The following NFIB variants were observed in gnomAD, a reference collection of about 807,000 sequenced individuals.
The protein encoded by NFIB is nuclear factor I B.
Under a neutral mutation model 61.5 loss-of-function variants are expected in NFIB, and 11 were observed. The ratio of observed to expected loss-of-function variants is 0.18; its 90% CI spans 0.11 to 0.30. NFIB has a LOEUF of 0.30. Among genes scored for constraint, NFIB ranks in the 10% least tolerant of loss-of-function variants. The pLI, the probability that NFIB is intolerant of heterozygous loss-of-function variation, is 1.00. For missense variants in NFIB, 471 were observed against 608.9 expected, an observed-to-expected ratio of 0.77 and a Z score of 2.38; for synonymous variants, 260 against 216.5, an observed-to-expected ratio of 1.20 and a Z score of -1.76.
chr9:14,523,753 C>T, the NFIB span, among the ~76,000 whole-genome samples: 1 of 152,220 alleles, frequency 6.6e-6, no homozygotes, highest in East Asian at 1.9e-4. Context: ...AAAAGAATTG[C>T]GACAGTTAGA....
chr9:14,466,577 A>G, the NFIB span, among the ~76,000 whole-genome samples: 4 of 152,162 alleles, frequency 2.6e-5, no homozygotes, highest in African/African-American at 9.6e-5. Context: ...GGAAGCTAGG[A>G]GCTCCCGTCT....
At chr9:14,298,371 G>A (rs2059562686) in intron 2 of NFIB, among the ~76,000 whole-genome samples, 2 of 152,056 alleles carry the variant, frequency 1.3e-5, no homozygotes, top group African/African-American at 4.8e-5. Context: ...TGAAAATGCT[G>A]AAAAGTAATT....
chr9:14,323,826 A>G (rs2060718078), intron 1 of NFIB, among the ~76,000 whole-genome samples: 2 of 152,260 alleles, frequency 1.3e-5, no homozygotes, highest in African/African-American at 4.8e-5. Flanking sequence ...TTACCAAAAA[A>G]AAGTTTTTTC....
chr9:14,375,432 T>C lies in NFIB; in HGVS notation c.108+23092A>G, dbSNP rs907890381. 4.6e-5 allele frequency among the ~76,000 whole-genome samples: 7 copies of C among 152,074 alleles called. No homozygotes were observed. The South Asian group carries it at 6.2e-4, about 14-fold the overall frequency. On this transcript the variant is annotated intron_variant, in intron 1 of 8. Coordinates refer to the NFIB transcript ENST00000380934. ...CAGCACTTTGGGAGGCCAAGGTGGG[T>C]GGATCACAAGGTCAGCAGTTCGAGA...
intron 9 of NFIB, among the ~76,000 whole-genome samples, chr9:14,114,994 C>T (rs541525979): frequency 4.6e-5 from 7 of 152,190 alleles, no homozygotes; most frequent in Admixed American, 3.9e-4. Flanking sequence ...CTGAGTAGGT[C>T]GCATCCATCT....
At chr9:14,517,354 C>G in the NFIB span, among the ~76,000 whole-genome samples, 1 of 152,208 alleles carries the variant, frequency 6.6e-6, no homozygotes, top group East Asian at 1.9e-4. Context: ...TACCTGCTTT[C>G]TGTACCCTTT....
chr9:14,416,687 C>A, the NFIB span, among the ~76,000 whole-genome samples: 1 of 151,832 alleles, frequency 6.6e-6, no homozygotes, highest in South Asian at 2.1e-4. Context: ...TAAGCTAAGA[C>A]TAATTTATTA....
chr9:14,144,460 G>A (rs1281185060), intron 6 of NFIB, among the ~76,000 whole-genome samples: 3 of 152,064 alleles, frequency 2.0e-5, no homozygotes, highest in African/African-American at 4.8e-5. Context: ...TTTGTTTTTC[G>A]TTTCACTTCT....
chr9:14,175,527 G>A (rs927953504), intron 3 of NFIB, among the ~76,000 whole-genome samples: 26 of 152,120 alleles, frequency 1.7e-4, no homozygotes, highest in African/African-American at 6.0e-4. Context: ...ATCATTAATA[G>A]ATAATCCTTC....
chr9:14,486,917 G>C, the NFIB span, among the ~76,000 whole-genome samples: 1 of 152,076 alleles, frequency 6.6e-6, no homozygotes, highest in African/African-American at 2.4e-5. Flanking sequence ...TTTAGAAATG[G>C]ACTTACATAG....
chr9:14,462,094 A>G, the NFIB span, among the ~76,000 whole-genome samples: 1 of 152,214 alleles, frequency 6.6e-6, no homozygotes. Context: ...ATTCCAGCTC[A>G]TAAGGTATCC....
At chr9:14,213,899 T>C (rs1023064201) in intron 2 of NFIB, among the ~76,000 whole-genome samples, 5 of 152,158 alleles carry the variant, frequency 3.3e-5, no homozygotes, top group Admixed American at 2.0e-4. Flanking sequence ...GTTCTCAACA[T>C]TCCAGAAGTG....
At chr9:14,438,495 C>T in the NFIB span, among the ~76,000 whole-genome samples, 1 of 152,134 alleles carries the variant, frequency 6.6e-6, no homozygotes, top group African/African-American at 2.4e-5. Context: ...GAGTGATTTT[C>T]CCCCTTGCTT....
At chr9:14,189,998 G>C (rs2047773303) in intron 2 of NFIB, among the ~76,000 whole-genome samples, 1 of 151,994 alleles carries the variant, frequency 6.6e-6, no homozygotes. Flanking sequence ...TGACCAAAAA[G>C]TCATATTCTT....
At chr9:14,341,023 A>G (rs997358340) in intron 1 of NFIB, among the ~76,000 whole-genome samples, 2 of 152,192 alleles carry the variant, frequency 1.3e-5, no homozygotes, top group East Asian at 1.9e-4. Context: ...TGGTATGCCA[A>G]TGAAGCCTTA....
At chr9:14,432,593 A>C in the NFIB span, among the ~76,000 whole-genome samples, 1 of 152,238 alleles carries the variant, frequency 6.6e-6, no homozygotes, top group African/African-American at 2.4e-5. Context: ...TTCTTGAAAC[A>C]GTATTAGTAC....
At chr9:14,403,669 A>G (rs529480567), upstream of NFIB, among the ~76,000 whole-genome samples, 1 of 152,308 alleles carries the variant, frequency 6.6e-6, no homozygotes, top group South Asian at 2.1e-4. Context: ...ATAATACAGG[A>G]TGAAAGGAGA....
chr9:14,187,013 G>GTGTGTGTGTGTA (rs1563879210), intron 2 of NFIB, among the ~76,000 whole-genome samples: 11 of 92,410 alleles, frequency 1.2e-4, no homozygotes, highest in Admixed American at 5.9e-4. Context: ...TCCTGTGTGT[G>GTGTGTGTGTGTA]TGTGTGTGTG....
rs540009631 is a variant in NFIB, at chr9:14,272,749, A to G, written c.562+34240T>C. Among the ~76,000 whole-genome samples the G allele has an allele frequency of 2.6e-5, 4 of 151,528 alleles. No individual in the cohort carries two copies. In the East Asian group the frequency reaches 7.8e-4, roughly 30 times the overall value. On this transcript the variant is annotated intron_variant, in intron 2 of 10. Transcript: ENST00000380953. ...ATCTTTTTATAAAAGCAAAACCCCC[A>G]GAAGAGTTAATTTTAAAACAGAACA...
Sources: gnomAD v4.1 joint callset for allele counts (sites outside exome capture counted in the v4.1 genomes callset) on GRCh38, gnomAD v4.1.1 for gene constraint, MANE v1.5 for transcripts, NCBI Gene and HGNC (gene_info 2026-07-23, HGNC 2026-07-21) for gene names.